The following PATJ variants were observed in gnomAD, a reference collection of about 807,000 sequenced individuals.
PATJ encodes the protein PATJ crumbs cell polarity complex component.
In PATJ, 190 loss-of-function variants were observed where a neutral mutation model predicts 224.9. The observed-to-expected ratio is 0.84, with a 90% CI of 0.75 to 0.95. PATJ has a LOEUF of 0.95. Among genes scored for constraint, PATJ ranks in the 40% least tolerant of loss-of-function variants. The probability of loss-of-function intolerance (pLI) is 0.00; values close to 1 mark genes in which losing one functional copy is unlikely to be tolerated. For synonymous variants in PATJ, 769 were observed against 820.3 expected (o/e 0.94, Z 1.07); for missense variants, 2,121 against 2,270.3 (o/e 0.93, Z 1.34).
In PATJ at chr1:61,771,428, A is replaced by C. The variant is rs768043093; in HGVS notation, c.525-3A>C. On this transcript the variant is annotated splice_polypyrimidine_tract_variant and splice_region_variant and intron_variant, in intron 5 of 43. Transcript: ENST00000642238. ...AAAAAATTTCTTTTCTTACATGATT[A>C]AGGGATCAAAGATTAAAGGAAAATG... is the stretch of plus-strand genomic sequence containing the variant. The C allele has an allele frequency of 8.9e-6, 14 of 1,571,732 alleles. No homozygotes were observed. In the East Asian group the frequency reaches 2.8e-4, roughly 31 times the overall value.
rs544356388 is a variant in PATJ, at chr1:61,997,626, C to T, written c.3867+7262C>T. Among the ~76,000 whole-genome samples the T allele has an allele frequency of 5.3e-5, 8 of 152,040 alleles. No homozygotes were observed. In the South Asian group the frequency reaches 1.7e-3, roughly 32 times the overall value. The stretch of plus-strand genomic sequence containing the variant: ...TTTGAGTTCTGGATTAATAATGATT[C>T]TAGAAGGTAATAAGTGAATTCATTA... On this transcript the variant is annotated intron_variant, in intron 28 of 43. Coordinates refer to ENST00000642238, the MANE Select transcript of PATJ (RefSeq NM_001350145.3).
chr1:62,052,275 C>T (rs991007), intron 31 of PATJ, among the ~76,000 whole-genome samples: 13,835 of 152,032 alleles, frequency 0.091, 722 homozygotes, highest in Non-Finnish European at 0.11. Flanking sequence ...TATCTTGCGA[C>T]TGCCACAGAT....
rs111293612 is a variant in PATJ, at chr1:61,755,170, G to A, written c.-35-7688G>A. Among the ~76,000 whole-genome samples the A allele has an allele frequency of 1.7e-4, 26 of 151,726 alleles. 1 individual carries two copies. Among genetic ancestry groups the A allele is most frequent in the South Asian group, 8.3e-4 (4 of 4,792 alleles). On this transcript the variant is annotated intron_variant, in intron 1 of 43. Coordinates refer to ENST00000642238, the MANE Select transcript of PATJ (RefSeq NM_001350145.3). ...AAAATACAAAAAAAATTAGCCGGGC[G>A]TAGTGGCGGGTGCCTGTAGTCCCAG...
At chr1:62,088,519 C>CT (rs1434966453) in intron 33 of PATJ, among the ~76,000 whole-genome samples, 2 of 152,098 alleles carry the variant, frequency 1.3e-5, no homozygotes, top group African/African-American at 4.8e-5. Context: ...CCATTCCTCT[C>CT]TTTTAGCTCT....
chr1:62,117,506 T>TA (rs202208470), intron 37 of PATJ: 32,263 of 631,998 alleles, frequency 0.051, 48 homozygotes, highest in Non-Finnish European at 0.057. Flanking sequence ...TGTGTTTATT[T>TA]AAAAAAAAAA....
chr1:61,806,938 G>A (rs1478276049), intron 13 of PATJ, among the ~76,000 whole-genome samples: 2 of 151,968 alleles, frequency 1.3e-5, no homozygotes, highest in East Asian at 1.9e-4. Context: ...GATCACTTGA[G>A]GTCGGGAGTC....
chr1:61,993,629 C>T (rs960794492), intron 28 of PATJ, among the ~76,000 whole-genome samples: 8 of 151,384 alleles, frequency 5.3e-5, no homozygotes, highest in Admixed American at 3.3e-4. Flanking sequence ...TGTCAGGAAC[C>T]CAGATCAGAG....
chr1:62,001,013 C>G (rs1173538753), intron 28 of PATJ, among the ~76,000 whole-genome samples: 1 of 151,764 alleles, frequency 6.6e-6, no homozygotes, highest in African/African-American at 2.4e-5. Flanking sequence ...GAAGTGTCTG[C>G]TCATGTCCTT....
rs182633007 is a variant in PATJ, at chr1:61,803,745, G to A, written c.1550-1703G>A. ...GTGCTTTTTGGATCAACTTCACTAC[G>A]TTTTTTTCTTCTTGCATATGTATAA... On this transcript the variant is annotated intron_variant, in intron 12 of 43. Transcript: ENST00000642238. Among the ~76,000 whole-genome samples the A allele has an allele frequency of 1.2e-3, 186 of 152,164 alleles. 1 individual carries two copies. The highest frequency in any genetic ancestry group is 2.2e-3 in the Admixed American group (33 of 15,284).
intron 17 of PATJ, among the ~76,000 whole-genome samples, chr1:61,843,707 G>A (rs1661472858): frequency 1.4e-5 from 2 of 143,726 alleles, no homozygotes; most frequent in Admixed American, 6.9e-5. Context: ...GTGACAGAGT[G>A]AGATCAGGTC....
At chr1:61,914,741 T>C (rs1175874822) in intron 26 of PATJ, 77 bp downstream of exon 26, 2 of 852,742 alleles carry the variant, frequency 2.3e-6, no homozygotes, top group Non-Finnish European at 3.7e-6. Flanking sequence ...TGGGCTATAA[T>C]AGAAGTGGCT....
chr1:61,859,544 T>C (rs1347376629), intron 18 of PATJ, among the ~76,000 whole-genome samples: 1 of 152,050 alleles, frequency 6.6e-6, no homozygotes, highest in Non-Finnish European at 1.5e-5. Context: ...TCTCTCTCTC[T>C]CTCTCCCTCT....
At chr1:61,900,411 A>G (rs1670963183) in intron 23 of PATJ, among the ~76,000 whole-genome samples, 1 of 152,180 alleles carries the variant, frequency 6.6e-6, no homozygotes, top group Non-Finnish European at 1.5e-5. Flanking sequence ...GGAGGTAGGA[A>G]GAAAACAAAA....
intron 20 of PATJ, among the ~76,000 whole-genome samples, chr1:61,874,948 AT>A (rs1317682228): frequency 3.3e-5 from 5 of 152,332 alleles, no homozygotes; most frequent in African/African-American, 1.2e-4. Context: ...GACTTGATAG[AT>A]CTTTTATTCC....
intron 29 of PATJ, among the ~76,000 whole-genome samples, chr1:62,030,876 T>C (rs557102652): frequency 6.6e-6 from 1 of 152,352 alleles, no homozygotes; most frequent in African/African-American, 2.4e-5. Flanking sequence ...AGAGTAATAC[T>C]TCACTCTATG....
intron 41 of PATJ, among the ~76,000 whole-genome samples, chr1:62,131,312 A>G (rs1361231177): frequency 6.6e-6 from 1 of 152,166 alleles, no homozygotes; most frequent in Non-Finnish European, 1.5e-5. Flanking sequence ...GAGGCAGTAC[A>G]GTGCAGCTCT....
rs932390738 is a variant in PATJ, at chr1:61,801,734, T to A, written c.1514T>A (p.Leu505Ter). 6.3e-7 allele frequency: 1 copy of A among 1,599,082 alleles called. No homozygotes were observed. Among genetic ancestry groups the A allele is most frequent in the Non-Finnish European group, 8.5e-7 (1 of 1,171,432 alleles). The stretch of plus-strand genomic sequence containing the variant: ...GAAATTAAAGAAAGAATTGATACTT[T>A]AAAAAATGACAACATACAAGCCTTA... ...DEEIKERIDT[L>*]KNDNIQALEK... is the part of the protein sequence containing the mutation. The change falls in exon 12 of 44, where the codon TTA (leucine) becomes TAA (stop). Residue 505 changes from leucine (L) to a stop codon, truncating the protein, a stop_gained. Transcript: ENST00000642238. LOFTEE classifies it high-confidence loss of function.
rs756556810 is a variant in PATJ, at chr1:61,899,623, C to G, written c.3172C>G (p.Pro1058Ala). 28 of 1,611,334 alleles carry G rather than the reference C, an allele frequency of 1.7e-5. No individual in the cohort carries two copies. Among genetic ancestry groups the G allele is most frequent in the Non-Finnish European group, 2.4e-5 (28 of 1,179,118 alleles). ...EREEGEGEET[P>A]NFSHWGPPRI... is the part of the protein sequence containing the mutation. Reference sequence around the variant, plus strand: ...AGAAGAAGGCGAAGGAGAAGAAACTCCAAATTTTAGCCACTGGGGTCCACC... The same window carrying G: ...AGAAGAAGGCGAAGGAGAAGAAACTGCAAATTTTAGCCACTGGGGTCCACC... Residue 1058 changes from proline (P) to alanine (A), a missense_variant, in exon 23 of 44, where the codon CCA becomes GCA. Pro to Ala is a conservative substitution (Grantham distance 27, BLOSUM62 -1). Transcript: ENST00000642238.
At chr1:61,828,839 T>G (rs1658797488) in intron 16 of PATJ, among the ~76,000 whole-genome samples, 1 of 152,226 alleles carries the variant, frequency 6.6e-6, no homozygotes, top group African/African-American at 2.4e-5. Flanking sequence ...AGTTCTGGAT[T>G]TCAGTATACA....
Sources: gnomAD v4.1 joint callset for allele counts (sites outside exome capture counted in the v4.1 genomes callset) on GRCh38, gnomAD v4.1.1 for gene constraint, MANE v1.5 for transcripts, NCBI Gene and HGNC (gene_info 2026-07-23, HGNC 2026-07-21) for gene names.